Variants in C19orf67 observed in about 807,000 individuals in gnomAD.
C19orf67 encodes chromosome 19 open reading frame 67.
In C19orf67, 28 loss-of-function variants were observed where a neutral mutation model predicts 41.4. The ratio of observed to expected loss-of-function variants is 0.68; its 90% CI spans 0.50 to 0.93. C19orf67 has a LOEUF of 0.93. Ranked by LOEUF, C19orf67 falls within the 40% of genes least tolerant of loss-of-function variation. C19orf67 has a pLI of 0.00. For missense variants in C19orf67, 421 were observed against 467.0 expected (o/e 0.90, Z 0.91); for synonymous variants, 242 against 203.4 (o/e 1.19, Z -1.62).
rs1008162470 is a variant in C19orf67, at chr19:14,081,762, T to G, written c.*72A>C. On this transcript the variant is annotated 3_prime_UTR_variant, in exon 6 of 6. Transcript: ENST00000548523. The stretch of plus-strand genomic sequence containing the variant: ...GGCCGGGCTGCACTGCGAGAACGAG[T>G]GAGCCCCTCCCCTGCCCCCTATTCT... 18 of 1,273,764 alleles carry G rather than the reference T, an allele frequency of 1.4e-5. No individual in the cohort carries two copies. The highest frequency in any genetic ancestry group is 1.7e-5 in the Non-Finnish European group (16 of 962,032). 78.9% of individuals were successfully genotyped at this position (1,273,764 alleles called of 1,614,324 possible).
Position 14,085,681 on chromosome 19 carries a change from G to T in C19orf67, c.-54C>A. ...TCTTTAAGCTTCCGCTGCTGCTCAG[G>T]TTGGCCGCGGGTTCGACCCCGCCCC... is the stretch of plus-strand genomic sequence containing the variant. On this transcript the variant is annotated 5_prime_UTR_variant, in exon 1 of 6. Transcript: ENST00000548523. The T allele has an allele frequency of 7.3e-7, 1 of 1,374,852 alleles. No homozygotes were observed. The highest frequency in any genetic ancestry group is 9.9e-7 in the Non-Finnish European group (1 of 1,006,022). The allele number at this position is 1,374,852 out of a possible 1,614,324, so 85.2% of individuals were successfully genotyped here.
chr19:14,084,965 G>A (rs1976830129), intron 1 of C19orf67, among the ~76,000 whole-genome samples: 1 of 152,212 alleles, frequency 6.6e-6, no homozygotes, highest in Admixed American at 6.5e-5. Flanking sequence ...CTGATGTCCT[G>A]CAGGCCAAGT....
In C19orf67 at chr19:14,081,766, C is replaced by T. The variant is rs1015647153; in HGVS notation, c.*68G>A. On this transcript the variant is annotated 3_prime_UTR_variant, in exon 6 of 6. Transcript: ENST00000548523. ...GGGCTGCACTGCGAGAACGAGTGAGCCCCTCCCCTGCCCCCTATTCTGGAG... is the reference window on the plus strand; with the variant it reads ...GGGCTGCACTGCGAGAACGAGTGAGTCCCTCCCCTGCCCCCTATTCTGGAG... The T allele has an allele frequency of 2.4e-5, 31 of 1,291,700 alleles. No homozygotes were observed. Among genetic ancestry groups the T allele is most frequent in the Non-Finnish European group, 3.2e-5 (31 of 976,502 alleles). The allele number at this position is 1,291,700 out of a possible 1,614,324, so 80.0% of individuals were successfully genotyped here.
At chr19:14,084,800 G>T (rs966194867) in intron 1 of C19orf67, among the ~76,000 whole-genome samples, 2 of 152,202 alleles carry the variant, frequency 1.3e-5, no homozygotes, top group East Asian at 3.8e-4. Flanking sequence ...TTGCACCACT[G>T]CACTCCAGCC....
chr19:14,085,238 G>A lies in C19orf67; in HGVS notation c.335+55C>T, dbSNP rs1432923077. ...CCTGGTGTGTGTCACCCATCCTGTC[G>A]CCTCCCCTCCAAGTCTCCTTACCCA... is the stretch of plus-strand genomic sequence containing the variant. On this transcript the variant is annotated intron_variant, in intron 1 of 5. Coordinates refer to ENST00000548523, the MANE Select transcript of C19orf67 (RefSeq NM_001277378.2). 5 of 1,447,208 alleles carry A rather than the reference G, an allele frequency of 3.5e-6. No individual in the cohort carries two copies. The East Asian group carries it at 7.4e-5, about 21-fold the overall frequency. 89.6% of individuals were successfully genotyped at this position (1,447,208 alleles called of 1,614,324 possible). A position where few individuals can be genotyped will look rare whatever the true frequency, so the allele number is the denominator to read the frequency against.
chr19:14,082,513 G>GC lies in C19orf67; in HGVS notation c.857dup (p.Arg287ProfsTer11). 3 of 1,536,230 alleles carry GC rather than the reference G, an allele frequency of 2.0e-6. No homozygotes were observed. The highest frequency in any genetic ancestry group is 2.6e-6 in the Non-Finnish European group (3 of 1,146,900). On this transcript the variant is annotated frameshift_variant, in exon 5 of 6. Transcript: ENST00000548523. LOFTEE classifies it high-confidence loss of function. ...CGGCTGGTCCTAGGGGCACCCATCG[G>GC]CCGATGGACCACAGCTTCTGGATCT...
intron 5 of C19orf67, 58 bp downstream of exon 5, chr19:14,082,410 TG>T (rs1976781921): frequency 6.8e-7 from 1 of 1,471,354 alleles, no homozygotes; most frequent in Admixed American, 2.3e-5. Context: ...TTGTCTTTGG[TG>T]GGGTTCTGCC....
At position 14,081,838 on chromosome 19, in the gene C19orf67, G is replaced by A; in HGVS notation, c.1073C>T (p.Ser358Phe). The change falls in exon 6 of 6, where the codon TCT becomes TTT. Residue 358 changes from serine (S) to phenylalanine (F), a missense_variant. This residue lies in a region of C19orf67 where 253 missense variants were observed against 307.0 expected (regional missense o/e 0.82). Coordinates refer to ENST00000548523, the MANE Select transcript of C19orf67 (RefSeq NM_001277378.2). ...CTCCTACCCTCTTCCCCAGGTTCAA[G>A]ACCCCTGCGCTGCCCACCCCGCAGG... ...AGPAGWAAQG[S>F] The A allele has an allele frequency of 1.1e-5, 17 of 1,529,180 alleles. No individual in the cohort carries two copies. Among genetic ancestry groups the A allele is most frequent in the Non-Finnish European group, 1.5e-5 (17 of 1,143,750 alleles). 94.7% of individuals were successfully genotyped at this position (1,529,180 alleles called of 1,614,324 possible). A position where few individuals can be genotyped will look rare whatever the true frequency, so the allele number is the denominator to read the frequency against.
In C19orf67 at chr19:14,081,953, C is replaced by A; in HGVS notation, c.958G>T (p.Glu320Ter). Residue 320 changes from glutamate (E) to a stop codon, truncating the protein, a stop_gained, in exon 6 of 6, where the codon GAG becomes TAG. Coordinates refer to ENST00000548523, the MANE Select transcript of C19orf67 (RefSeq NM_001277378.2). LOFTEE classifies it high-confidence loss of function. ...DYQQLLTIGF[E>*]EPTPTLATDL... is the part of the protein sequence containing the mutation. ...GTGGCCAGCGTGGGCGTGGGCTCCT[C>A]GAAGCCGATGGTCAGCAGCTGCTGG... 1.3e-6 allele frequency: 2 copies of A among 1,531,988 alleles called. No homozygotes were observed. Among genetic ancestry groups the A allele is most frequent in the Non-Finnish European group, 1.7e-6 (2 of 1,144,314 alleles). 94.9% of individuals were successfully genotyped at this position (1,531,988 alleles called of 1,614,324 possible).
chr19:14,082,418 T>G, intron 5 of C19orf67, 51 bp downstream of exon 5: 1 of 1,488,066 alleles, frequency 6.7e-7, no homozygotes, highest in Non-Finnish European at 8.9e-7. Flanking sequence ...GGTGGGGTTC[T>G]GCCTCCCCCT....
At chr19:14,082,892 G>C (rs1976791242) in intron 4 of C19orf67, among the ~76,000 whole-genome samples, 1 of 151,480 alleles carries the variant, frequency 6.6e-6, no homozygotes, top group Non-Finnish European at 1.5e-5. Flanking sequence ...TCCACTCAGG[G>C]TGGAGTGCAG....
At position 14,083,321 on chromosome 19, in the gene C19orf67, G is replaced by A. The variant is rs1184245264; in HGVS notation, c.683C>T (p.Pro228Leu). 1 of 1,535,996 alleles carries A rather than the reference G, an allele frequency of 6.5e-7. No individual in the cohort carries two copies. Among genetic ancestry groups the A allele is most frequent in the Non-Finnish European group, 8.7e-7 (1 of 1,146,920 alleles). ...APTAYTASRF[P>L]RYLYKKMRWH... Reference sequence around the variant, plus strand: ...GCGCATCTTCTTATAGAGGTAGCGGGGGAAGCGGCTGGCAGTGTAGGCGGT... The same window carrying A: ...GCGCATCTTCTTATAGAGGTAGCGGAGGAAGCGGCTGGCAGTGTAGGCGGT... Residue 228 changes from proline (P) to leucine (L), a missense_variant, in exon 4 of 6, where the codon CCC (proline) becomes CTC (leucine). Physicochemically the swap from Pro to Leu is moderately conservative, Grantham distance 98. This residue lies in a region of C19orf67 where 253 missense variants were observed against 307.0 expected (regional missense o/e 0.82). Transcript: ENST00000548523.
At chr19:14,083,898 T>C (rs548029771) in intron 1 of C19orf67, 21 bp from the exon 2 acceptor site, 2 of 1,301,058 alleles carry the variant, frequency 1.5e-6, no homozygotes, top group Admixed American at 3.4e-5. Flanking sequence ...AAGGGGGCCT[T>C]TGCCTGGAAT....
In C19orf67 at chr19:14,081,632, C is replaced by CT. The variant is rs1453217845; in HGVS notation, c.*201dup. 4.7e-6 allele frequency: 2 copies of CT among 425,022 alleles called. No homozygotes were observed. Among genetic ancestry groups the CT allele is most frequent in the Non-Finnish European group, 8.3e-6 (2 of 242,408 alleles). The allele number at this position is 425,022 out of a possible 1,614,324, so 26.3% of individuals were successfully genotyped here. A position where few individuals can be genotyped will look rare whatever the true frequency, so the allele number is the denominator to read the frequency against. On this transcript the variant is annotated 3_prime_UTR_variant, in exon 6 of 6. Transcript: ENST00000548523. ...CGGACGCTGAGCCTGTGACCTCTTTCTTTCTTTTATTTAACACAAAACTGA... is the reference window on the plus strand; with the variant it reads ...CGGACGCTGAGCCTGTGACCTCTTTCTTTTCTTTTATTTAACACAAAACTGA...
intron 1 of C19orf67, among the ~76,000 whole-genome samples, chr19:14,084,604 G>A (rs561764879): frequency 7.2e-5 from 11 of 152,112 alleles, no homozygotes; most frequent in African/African-American, 1.7e-4. Flanking sequence ...AGGCCAAGGC[G>A]GGTGGATCAT....
rs781696887 is a variant in C19orf67 at position 14,083,226 on chromosome 19, A to G, written c.767+11T>C. ...AAAGGGGAGGACTTTGATTTGGGTA[A>G]GAGGACTTACTAATCCACAAGGGAA... On this transcript the variant is annotated intron_variant, in intron 4 of 5. Transcript: ENST00000548523. 2.1e-4 allele frequency: 322 copies of G among 1,535,354 alleles called. 1 individual carries two copies. Among genetic ancestry groups the G allele is most frequent in the Non-Finnish European group, 3.2e-5 (37 of 1,146,380 alleles).
At position 14,081,895 on chromosome 19, in the gene C19orf67, G is replaced by T. The variant is rs1379358995; in HGVS notation, c.1016C>A (p.Ala339Glu). Residue 339 changes from alanine (A) to glutamate (E), a missense_variant, in exon 6 of 6, where the codon GCA (alanine) becomes GAA (glutamate). By Grantham distance (107) the Ala-to-Glu change is moderately radical (BLOSUM62 -1). Around this residue, in one of 3 missense-constraint regions of C19orf67, gnomAD observed 253 missense variants for 307.0 expected, o/e 0.82. Coordinates refer to ENST00000548523, the MANE Select transcript of C19orf67 (RefSeq NM_001277378.2). ...TGCGCTCGGAGGCCGGGCCTGGCCTGCCTGGCCCGTGAGGATCTGCACCAG... is the reference window on the plus strand; with the variant it reads ...TGCGCTCGGAGGCCGGGCCTGGCCTTCCTGGCCCGTGAGGATCTGCACCAG... ...DLLVQILTGQAGQARPPSAAG... is the reference protein window; with the variant it reads ...DLLVQILTGQEGQARPPSAAG... The T allele has an allele frequency of 7.2e-6, 11 of 1,534,428 alleles. No individual in the cohort carries two copies. The South Asian group carries it at 1.1e-4, about 15-fold the overall frequency.
Position 14,083,513 on chromosome 19 carries a change from G to A in C19orf67, c.573C>T (p.Asn191=). 1 of 1,535,908 alleles carries A rather than the reference G, an allele frequency of 6.5e-7. No individual in the cohort carries two copies. Among genetic ancestry groups the A allele is most frequent in the Non-Finnish European group, 8.7e-7 (1 of 1,146,776 alleles). The change falls in exon 3 of 6, where the codon AAC becomes AAT. Residue 191 remains asparagine, a synonymous_variant. Transcript: ENST00000548523. Reference sequence around the variant, plus strand: ...GTCTCCTACCATTTTACCTAAGGGGGTTCATCTCCTCCAGGTCCACGAACC... The same window carrying A: ...GTCTCCTACCATTTTACCTAAGGGGATTCATCTCCTCCAGGTCCACGAACC... The part of the protein sequence containing the change: ...SFGFVDLEEM[N]PLSISCFFCG...
rs1480372074 is a variant in C19orf67 at position 14,085,307 on chromosome 19, G to C, written c.321C>G (p.Ser107Arg). ...YLLKKADDFQ[S>R]YLLYSRDQVQ... is the part of the protein sequence containing the mutation. Reference sequence around the variant, plus strand: ...TCCAGCATCACCTGTAGAGCAAGTAGCTCTGGAAATCATCTGCCTTCTTCA... The same window carrying C: ...TCCAGCATCACCTGTAGAGCAAGTACCTCTGGAAATCATCTGCCTTCTTCA... The change falls in exon 1 of 6, where the codon AGC becomes AGG. Residue 107 changes from serine to arginine, a missense_variant. Physicochemically the swap from Ser to Arg is moderately radical, Grantham distance 110. Transcript: ENST00000548523. 2.6e-6 allele frequency: 4 copies of C among 1,536,186 alleles called. No individual in the cohort carries two copies. In the Admixed American group the frequency reaches 7.8e-5, roughly 30 times the overall value.
Sources: allele counts gnomAD v4.1 joint callset (sites outside exome capture counted in the v4.1 genomes callset), GRCh38; gene constraint gnomAD v4.1.1; regional missense constraint gnomAD v4.1.1; transcripts MANE v1.5; gene names NCBI Gene and HGNC (gene_info 2026-07-23, HGNC 2026-07-21).